SUGP2: variants seen among roughly 807,000 people sequenced by gnomAD.
SUGP2 encodes the protein SURP and G-patch domain-containing protein 2.
SUGP2 carries 24 observed loss-of-function variants against 90.5 expected under a neutral mutation model. The ratio of observed to expected loss-of-function variants is 0.27; its 90% CI spans 0.19 to 0.37. The LOEUF (loss-of-function observed/expected upper bound fraction) is 0.37. Ranked by LOEUF, SUGP2 falls within the 10% of genes least tolerant of loss-of-function variation. The pLI, the probability that SUGP2 is intolerant of heterozygous loss-of-function variation, is 1.00. For synonymous variants in SUGP2, 473 were observed against 513.4 expected (o/e 0.92, Z 1.06); for missense variants, 1,233 against 1,363.3 (o/e 0.90, Z 1.51).
chr19:19,020,020 C>A (rs2058659506), intron 3 of SUGP2, among the ~76,000 whole-genome samples: 1 of 123,470 alleles, frequency 8.1e-6, no homozygotes, highest in Non-Finnish European at 1.7e-5. Context: ...AAAAATTAGC[C>A]AGGCATGGTG....
intron 2 of SUGP2, among the ~76,000 whole-genome samples, chr19:19,029,544 T>C (rs2059066479): frequency 6.6e-6 from 1 of 150,854 alleles, no homozygotes; most frequent in Admixed American, 6.6e-5. Context: ...GTTCACGGCA[T>C]TATCCCGCCT....
intron 6 of SUGP2, among the ~76,000 whole-genome samples, chr19:19,006,903 C>A (rs1021139856): frequency 2.0e-5 from 3 of 152,216 alleles, no homozygotes; most frequent in African/African-American, 7.2e-5. Context: ...AGGTCCCAAG[C>A]AAGTTGAAAG....
At chr19:19,013,156 C>T (rs377647160) in intron 4 of SUGP2, among the ~76,000 whole-genome samples, 1 of 152,250 alleles carries the variant, frequency 6.6e-6, no homozygotes, top group Non-Finnish European at 1.5e-5. Flanking sequence ...CATGAGCCAC[C>T]GCACCCAGCT....
At chr19:18,999,901 G>A (rs1376129945) in intron 8 of SUGP2, among the ~76,000 whole-genome samples, 2 of 152,120 alleles carry the variant, frequency 1.3e-5, no homozygotes, top group Admixed American at 1.3e-4. Context: ...TGCCCAAGCT[G>A]ACAACCCTGG....
intron 8 of SUGP2, among the ~76,000 whole-genome samples, chr19:18,997,164 C>G (rs541035719): frequency 6.6e-6 from 1 of 152,150 alleles, no homozygotes; most frequent in Non-Finnish European, 1.5e-5. Flanking sequence ...CAAATCCCCC[C>G]CTTGCCATCT....
chr19:19,022,677 T>C (rs1203205216), intron 3 of SUGP2, among the ~76,000 whole-genome samples: 2 of 152,156 alleles, frequency 1.3e-5, no homozygotes, highest in Admixed American at 1.3e-4. Context: ...CGGTGACTTT[T>C]CTTCCTTCAT....
intron 8 of SUGP2, among the ~76,000 whole-genome samples, chr19:18,999,955 G>A (rs777122265): frequency 6.6e-6 from 1 of 152,142 alleles, no homozygotes; most frequent in Non-Finnish European, 1.5e-5. Context: ...CCCACAAGCA[G>A]GTGTCACCCA....
At chr19:18,999,825 G>A (rs1000568828) in intron 8 of SUGP2, among the ~76,000 whole-genome samples, 7 of 152,174 alleles carry the variant, frequency 4.6e-5, no homozygotes, top group African/African-American at 1.7e-4. Flanking sequence ...CAGGCCATCT[G>A]GAGTGTACCT....
chr19:19,021,457 A>G (rs898240281), intron 3 of SUGP2, among the ~76,000 whole-genome samples: 3 of 152,046 alleles, frequency 2.0e-5, no homozygotes, highest in African/African-American at 4.8e-5. Flanking sequence ...TGATTTTACA[A>G]AAGATGTTGA....
Position 19,001,598 on chromosome 19 carries a change from A to G in SUGP2, c.2991+15T>C. On this transcript the variant is annotated intron_variant, in intron 8 of 10. Transcript: ENST00000452918. Reference sequence around the variant, plus strand: ...AACTATACTTTGAGTGAGGACTACCAATGATTACGCTCACCTTCTTTTTGG... The same window carrying G: ...AACTATACTTTGAGTGAGGACTACCGATGATTACGCTCACCTTCTTTTTGG... 4.3e-6 allele frequency: 7 copies of G among 1,613,904 alleles called. No homozygotes were observed. Among genetic ancestry groups the G allele is most frequent in the Non-Finnish European group, 5.9e-6 (7 of 1,179,748 alleles).
chr19:19,015,314 A>C (rs192787833), intron 4 of SUGP2, among the ~76,000 whole-genome samples: 35 of 152,344 alleles, frequency 2.3e-4, no homozygotes, highest in Admixed American at 2.0e-3. Flanking sequence ...TGGAACATGG[A>C]AACAGGTCAC....
intron 4 of SUGP2, among the ~76,000 whole-genome samples, chr19:19,018,416 G>A (rs1428527992): frequency 2.7e-5 from 4 of 149,054 alleles, no homozygotes; most frequent in African/African-American, 9.9e-5. Flanking sequence ...GGCCGGGCGC[G>A]GTGGCTCACG....
intron 1 of SUGP2, 128 bp downstream of exon 1, chr19:19,033,309 G>T: frequency 9.6e-7 from 1 of 1,043,230 alleles, no homozygotes; most frequent in Non-Finnish European, 1.2e-6. Flanking sequence ...GCGGGGACGC[G>T]GCCGCCGCCG....
At chr19:19,022,110 G>A (rs1463587046) in intron 3 of SUGP2, among the ~76,000 whole-genome samples, 3 of 151,892 alleles carry the variant, frequency 2.0e-5, no homozygotes, top group East Asian at 1.9e-4. Context: ...TCAGCCTTCC[G>A]AGTAGCTGGG....
At chr19:19,007,302 G>C (rs2058115231) in intron 6 of SUGP2, 1 of 152,220 alleles carries the variant, frequency 6.6e-6, no homozygotes, top group Non-Finnish European at 1.5e-5. Context: ...ACCTGGGCAA[G>C]GGCTGACTAT....
chr19:19,028,185 G>A (rs2145734343), intron 2 of SUGP2, among the ~76,000 whole-genome samples: 1 of 152,250 alleles, frequency 6.6e-6, no homozygotes, highest in Non-Finnish European at 1.5e-5. Flanking sequence ...ATTAAATAAG[G>A]GGATGACCTG....
intron 5 of SUGP2, 77 bp from the exon 6 acceptor site, chr19:19,008,505 G>A (rs973927432): frequency 2.5e-6 from 3 of 1,190,372 alleles, no homozygotes; most frequent in Non-Finnish European, 3.8e-6. Flanking sequence ...GGTTGTGGAG[G>A]CTGATTATAA....
At chr19:19,014,632 A>AG (rs2058428084) in intron 4 of SUGP2, among the ~76,000 whole-genome samples, 1 of 151,446 alleles carries the variant, frequency 6.6e-6, no homozygotes, top group African/African-American at 2.4e-5. Flanking sequence ...TCTTAAAAAA[A>AG]GAAAAAAAAA....
chr19:19,010,118 T>C lies in SUGP2; in HGVS notation c.2075A>G (p.Lys692Arg). ...GGTCCCGGTGGTCGCTCTCCTCGCC[T>C]TCCAGCCCCGGAGCCCTTGAGCACG... The part of the protein sequence containing the change: ...LLRAQGLRGW[K>R]ARRATTGTQT... Residue 692 changes from lysine (K) to arginine (R), a missense_variant, in exon 5 of 11, where the codon AAG (lysine) becomes AGG (arginine). Coordinates refer to ENST00000452918, the MANE Select transcript of SUGP2 (RefSeq NM_001017392.5). The C allele has an allele frequency of 6.2e-7, 1 of 1,600,436 alleles. No homozygotes were observed. Among genetic ancestry groups the C allele is most frequent in the Non-Finnish European group, 8.5e-7 (1 of 1,174,866 alleles).
Sources: gnomAD v4.1 joint callset for allele counts (sites outside exome capture counted in the v4.1 genomes callset) on GRCh38, gnomAD v4.1.1 for gene constraint, MANE v1.5 for transcripts, NCBI Gene and HGNC (gene_info 2026-07-23, HGNC 2026-07-21) for gene names.